Variants in LYPD6 observed in about 807,000 individuals in gnomAD.
LYPD6 encodes the protein LY6/PLAUR domain containing 6.
In LYPD6, 15 loss-of-function variants were observed where a neutral mutation model predicts 22.7. That is an observed-to-expected ratio of 0.66 (90% CI 0.44 to 1.02). The LOEUF is 1.02. Ranked by LOEUF, LYPD6 falls within the 50% of genes least tolerant of loss-of-function variation. The probability of loss-of-function intolerance (pLI) is 0.00; values close to 1 mark genes in which losing one functional copy is unlikely to be tolerated. For missense variants in LYPD6, 189 were observed against 208.4 expected (o/e 0.91, Z 0.57); for synonymous variants, 72 against 77.5 (o/e 0.93, Z 0.37).
chr2:149,457,452 A>C (rs1424367172), intron 3 of LYPD6, among the ~76,000 whole-genome samples: 7 of 152,194 alleles, frequency 4.6e-5, no homozygotes, highest in Non-Finnish European at 8.8e-5. Flanking sequence ...GAGGGAATGC[A>C]GACACCAACA....
At chr2:149,435,465 A>G (rs1683410283) in intron 1 of LYPD6, among the ~76,000 whole-genome samples, 1 of 152,236 alleles carries the variant, frequency 6.6e-6, no homozygotes, top group Admixed American at 6.5e-5. Context: ...GGTATTGGCC[A>G]TAGTGCTGCC....
chr2:149,413,499 T>C (rs1280416794), intron 1 of LYPD6, among the ~76,000 whole-genome samples: 1 of 152,228 alleles, frequency 6.6e-6, no homozygotes, highest in Non-Finnish European at 1.5e-5. Context: ...CCGAAATTCT[T>C]TTAGTTGTTC....
intron 3 of LYPD6, 60 bp downstream of exon 3, chr2:149,449,207 T>C: frequency 8.9e-7 from 1 of 1,126,590 alleles, no homozygotes. Flanking sequence ...ACAGCCCTTT[T>C]GACTTTGGTG....
intron 1 of LYPD6, among the ~76,000 whole-genome samples, chr2:149,390,438 C>G (rs1174204548): frequency 6.6e-6 from 1 of 152,190 alleles, no homozygotes; most frequent in Non-Finnish European, 1.5e-5. Flanking sequence ...GTCCTGGATC[C>G]CTATCTTCTA....
chr2:149,431,564 G>A lies in LYPD6; in HGVS notation c.-71-6074G>A, dbSNP rs374562455. Reference sequence around the variant, plus strand: ...AGTGAGTGGTGCTTCATGATTTACTGCAGGAATGTAAACAGTCGGTGATAT... The same window carrying A: ...AGTGAGTGGTGCTTCATGATTTACTACAGGAATGTAAACAGTCGGTGATAT... On this transcript the variant is annotated intron_variant, in intron 1 of 4. Coordinates refer to ENST00000334166, the MANE Select transcript of LYPD6 (RefSeq NM_194317.5). Among the ~76,000 whole-genome samples, 224 of 152,298 alleles carry A rather than the reference G, an allele frequency of 1.5e-3. 1 individual carries two copies. Among genetic ancestry groups the A allele is most frequent in the African/African-American group, 5.1e-3 (210 of 41,556 alleles).
intron 1 of LYPD6, among the ~76,000 whole-genome samples, chr2:149,348,530 T>C (rs1681301664): frequency 6.6e-6 from 1 of 152,086 alleles, no homozygotes; most frequent in African/African-American, 2.4e-5. Context: ...CAGGCAGAAA[T>C]GCAAAAGTGC....
rs751900629 is a variant in LYPD6 at position 149,464,061 on chromosome 2, T to C, written c.218-4584T>C. The C allele has an allele frequency of 3.8e-4, 154 of 403,414 alleles. 1 individual carries two copies. The highest frequency in any genetic ancestry group is 9.8e-4 in the South Asian group (52 of 53,034). 25.0% of individuals were successfully genotyped at this position (403,414 alleles called of 1,614,324 possible). On this transcript the variant is annotated intron_variant, in intron 3 of 4. Coordinates refer to ENST00000334166, the MANE Select transcript of LYPD6 (RefSeq NM_194317.5). ...TGTAGAGGATCTCCTATTATTAATA[T>C]TCCTTACAAATGCATGGGAATCTAC...
At chr2:149,373,565 A>C (rs1041072238) in intron 1 of LYPD6, among the ~76,000 whole-genome samples, 1 of 152,090 alleles carries the variant, frequency 6.6e-6, no homozygotes, top group Non-Finnish European at 1.5e-5. Context: ...CTCGTGTCCA[A>C]GGGAAGAATA....
chr2:149,348,951 T>C (rs1193101146), intron 1 of LYPD6, among the ~76,000 whole-genome samples: 1 of 151,824 alleles, frequency 6.6e-6, no homozygotes, highest in African/African-American at 2.4e-5. Context: ...AAGGATAGGA[T>C]GTGGAGTATA....
the LYPD6 span, among the ~76,000 whole-genome samples, chr2:149,483,645 T>C: frequency 6.6e-6 from 1 of 152,208 alleles, no homozygotes; most frequent in Non-Finnish European, 1.5e-5. Flanking sequence ...ATGTTCTCAC[T>C]GCAAAAAATT....
chr2:149,377,149 A>G (rs1479093506), intron 1 of LYPD6, among the ~76,000 whole-genome samples: 2 of 151,952 alleles, frequency 1.3e-5, no homozygotes, highest in East Asian at 1.9e-4. Context: ...ATGACTTTGA[A>G]TAGGCAAGTG....
downstream of LYPD6, among the ~76,000 whole-genome samples, chr2:149,478,450 G>T (rs1414695408): frequency 2.0e-5 from 3 of 151,606 alleles, no homozygotes; most frequent in African/African-American, 7.3e-5. Context: ...TAGAGACAGG[G>T]TCTCACTCTG....
chr2:149,459,550 C>T (rs1451528189), intron 3 of LYPD6, among the ~76,000 whole-genome samples: 4 of 152,142 alleles, frequency 2.6e-5, no homozygotes, highest in South Asian at 4.1e-4. Flanking sequence ...ACAGTTGAAG[C>T]AAAACTTATA....
intron 1 of LYPD6, among the ~76,000 whole-genome samples, chr2:149,362,666 C>T (rs1291784920): frequency 6.6e-6 from 1 of 151,996 alleles, no homozygotes; most frequent in African/African-American, 2.4e-5. Context: ...GCTACATCAT[C>T]CCATGGCAGA....
chr2:149,333,242 A>G lies in LYPD6; in HGVS notation c.-72+2520A>G, dbSNP rs201078381. Among the ~76,000 whole-genome samples the G allele has an allele frequency of 2.8e-4, 42 of 152,340 alleles. No homozygotes were observed. The East Asian group carries it at 6.7e-3, about 24-fold the overall frequency. The stretch of plus-strand genomic sequence containing the variant: ...AAGACATTGGTTAGAGAGAAATCAT[A>G]TTTTTACTTGCAAAGCTAGCAATAA... On this transcript the variant is annotated intron_variant, in intron 1 of 4. Coordinates refer to ENST00000334166, the MANE Select transcript of LYPD6 (RefSeq NM_194317.5).
chr2:149,361,596 C>G (rs1427301255), intron 1 of LYPD6, among the ~76,000 whole-genome samples: 7 of 152,152 alleles, frequency 4.6e-5, no homozygotes, highest in Non-Finnish European at 8.8e-5. Flanking sequence ...CTTCTCTAAC[C>G]ATACTGAGTG....
At position 149,408,491 on chromosome 2, in the gene LYPD6, G is replaced by A. The variant is rs138738274; in HGVS notation, c.-71-29147G>A. 5.8e-3 allele frequency among the ~76,000 whole-genome samples: 887 copies of A among 152,198 alleles called. 7 individuals are homozygous for A. The highest frequency in any genetic ancestry group is 7.4e-3 in the Non-Finnish European group (500 of 68,002). ...TGGGGAGGTTTTCCTTGATTATTTC[G>A]TCAAATATATTTTCCAAACTTTTAG... On this transcript the variant is annotated intron_variant, in intron 1 of 4. Transcript: ENST00000334166.
intron 1 of LYPD6, among the ~76,000 whole-genome samples, chr2:149,342,160 G>A (rs1468005709): frequency 6.6e-6 from 1 of 152,094 alleles, no homozygotes; most frequent in Non-Finnish European, 1.5e-5. Context: ...CTAGGACTTT[G>A]GAAAGTTAGG....
chr2:149,479,807 G>A, the LYPD6 span, among the ~76,000 whole-genome samples: 868 of 152,144 alleles, frequency 5.7e-3, 4 homozygotes, highest in Non-Finnish European at 8.4e-3. Flanking sequence ...ATAGCTAGAA[G>A]TAGACTTTGA....
Sources: allele counts gnomAD v4.1 joint callset (sites outside exome capture counted in the v4.1 genomes callset), GRCh38; gene constraint gnomAD v4.1.1; transcripts MANE v1.5; gene names NCBI Gene and HGNC (gene_info 2026-07-23, HGNC 2026-07-21).